The following CNST variants were observed in gnomAD, a reference collection of about 807,000 sequenced individuals.
CNST encodes the protein consortin, connexin sorting protein, also known as consortin.
A neutral mutation model predicts 72.4 loss-of-function variants in CNST; 39 were observed. The observed-to-expected ratio is 0.54, with a 90% CI of 0.42 to 0.70. The LOEUF (loss-of-function observed/expected upper bound fraction) is 0.70. Among genes scored for constraint, CNST ranks in the 30% least tolerant of loss-of-function variants. The probability of loss-of-function intolerance (pLI) is 0.00; values close to 1 mark genes in which losing one functional copy is unlikely to be tolerated. For synonymous variants in CNST, 332 were observed against 320.1 expected (o/e 1.04, Z -0.40); for missense variants, 871 against 868.5 (o/e 1.00, Z -0.04).
At position 246,634,590 on chromosome 1, in the gene CNST, A is replaced by T. The variant is rs1455541811; in HGVS notation, c.818+3A>T. 2.7e-6 allele frequency: 4 copies of T among 1,506,266 alleles called. No individual in the cohort carries two copies. The highest frequency in any genetic ancestry group is 3.6e-6 in the Non-Finnish European group (4 of 1,097,072). 93.3% of individuals were successfully genotyped at this position (1,506,266 alleles called of 1,614,324 possible). A position where few individuals can be genotyped will look rare whatever the true frequency, so the allele number is the denominator to read the frequency against. On this transcript the variant is annotated splice_donor_region_variant and intron_variant, in intron 6 of 10. Transcript: ENST00000366513. ...AAAATTTGTGCAACACATCAAGAGT[A>T]AGTATATCAGAATTTCGTTAGAATG... is the stretch of plus-strand genomic sequence containing the variant.
chr1:246,592,822 G>A (rs145178500), intron 2 of CNST, among the ~76,000 whole-genome samples: 88 of 152,354 alleles, frequency 5.8e-4, no homozygotes, highest in African/African-American at 1.9e-3. Context: ...GTAATTCAGA[G>A]TATTTCTTGT....
intron 3 of CNST, among the ~76,000 whole-genome samples, chr1:246,628,191 G>A (rs1664563280): frequency 6.6e-6 from 1 of 152,100 alleles, no homozygotes. Context: ...AAGGGGGTCT[G>A]CCTTCCCCAG....
intron 9 of CNST, among the ~76,000 whole-genome samples, chr1:246,657,260 C>T (rs1666826189): frequency 6.6e-6 from 1 of 152,158 alleles, no homozygotes; most frequent in South Asian, 2.1e-4. Context: ...GAGAGTGCCT[C>T]CTTGGCCTGC....
chr1:246,582,656 C>T (rs1171162555), intron 1 of CNST, among the ~76,000 whole-genome samples: 7 of 152,190 alleles, frequency 4.6e-5, no homozygotes, highest in South Asian at 2.1e-4. Context: ...GCCCCGCCTC[C>T]GTTTATCAGG....
At chr1:246,581,511 C>T (rs1191278458) in intron 1 of CNST, among the ~76,000 whole-genome samples, 2 of 152,366 alleles carry the variant, frequency 1.3e-5, no homozygotes, top group Non-Finnish European at 1.5e-5. Context: ...GATCCGCCCA[C>T]CTTGGCCTCC....
At chr1:246,580,630 T>G (rs1486729559) in intron 1 of CNST, among the ~76,000 whole-genome samples, 3 of 152,204 alleles carry the variant, frequency 2.0e-5, no homozygotes, top group African/African-American at 7.2e-5. Flanking sequence ...AAAAAGGAGG[T>G]ATCTCTTTAC....
At chr1:246,592,045 C>A in intron 2 of CNST, 104 bp downstream of exon 2, 1 of 920,656 alleles carries the variant, frequency 1.1e-6, no homozygotes. Context: ...TCTTTGCTTA[C>A]GATATTCTGG....
intron 8 of CNST, among the ~76,000 whole-genome samples, chr1:246,642,337 T>C (rs541512422): frequency 3.2e-4 from 48 of 152,200 alleles, no homozygotes; most frequent in African/African-American, 1.1e-3. Flanking sequence ...TAAGAAAAGG[T>C]TGTACAAAAT....
intron 2 of CNST, among the ~76,000 whole-genome samples, chr1:246,603,628 AAAAT>A (rs763627966): frequency 1.3e-5 from 2 of 152,256 alleles, no homozygotes. Context: ...TTTAGCAATG[AAAAT>A]AAATAAAATC....
chr1:246,585,663 ATATACAC>A (rs1436388240), intron 1 of CNST, among the ~76,000 whole-genome samples: 2 of 41,882 alleles, frequency 4.8e-5, no homozygotes, highest in Non-Finnish European at 8.8e-5. Flanking sequence ...AAAAAAAAAA[ATATACAC>A]ACACACACAC....
In CNST at chr1:246,667,492, A is replaced by G. The variant is rs1204508556; in HGVS notation, c.*1587A>G. 1 of 152,032 alleles carries G rather than the reference A, an allele frequency of 6.6e-6. No homozygotes were observed. The highest frequency in any genetic ancestry group is 1.9e-4 in the East Asian group (1 of 5,202). The allele number at this position is 152,032 out of a possible 1,614,324, so 9.4% of individuals were successfully genotyped here. ...TTATAATACTGTTTGACTTGTCTCT[A>G]TCATGTCACCATAAACTGTAATATT... On this transcript the variant is annotated 3_prime_UTR_variant, in exon 11 of 11. Coordinates refer to ENST00000366513, the MANE Select transcript of CNST (RefSeq NM_152609.3).
At chr1:246,634,216 A>G (rs1410714244) in intron 5 of CNST, 3 of 557,840 alleles carry the variant, frequency 5.4e-6, no homozygotes, top group Non-Finnish European at 9.4e-6. Flanking sequence ...CTTCATATCA[A>G]TGCCAAGAAA....
intron 3 of CNST, among the ~76,000 whole-genome samples, chr1:246,628,925 G>T (rs1328765005): frequency 1.3e-5 from 2 of 152,144 alleles, no homozygotes; most frequent in Non-Finnish European, 2.9e-5. Flanking sequence ...TCAGCATCTT[G>T]CAATTCATTC....
At chr1:246,581,582 C>T (rs1268763078) in intron 1 of CNST, among the ~76,000 whole-genome samples, 3 of 152,196 alleles carry the variant, frequency 2.0e-5, no homozygotes, top group East Asian at 3.8e-4. Context: ...CTTTTAGAAA[C>T]GTAGTCTGGG....
chr1:246,610,304 A>C (rs1332745277), intron 2 of CNST, among the ~76,000 whole-genome samples: 1 of 149,422 alleles, frequency 6.7e-6, no homozygotes, highest in Non-Finnish European at 1.5e-5. Context: ...CAAACAAAAA[A>C]CCTCCCCATT....
In CNST at chr1:246,566,634, G is replaced by T; in HGVS notation, c.-81G>T. On this transcript the variant is annotated 5_prime_UTR_variant, in exon 1 of 11. Transcript: ENST00000366513. ...GCTGGAAACAGACCCGGCGCCCAGC[G>T]GTAGCCCTCCTTGCGCCTCCGATTC... is the stretch of plus-strand genomic sequence containing the variant. 2.5e-6 allele frequency: 1 copy of T among 401,920 alleles called. No individual in the cohort carries two copies. Among genetic ancestry groups the T allele is most frequent in the Non-Finnish European group, 4.4e-6 (1 of 227,636 alleles). 24.9% of individuals were successfully genotyped at this position (401,920 alleles called of 1,614,324 possible). A position where few individuals can be genotyped will look rare whatever the true frequency, so the allele number is the denominator to read the frequency against.
At chr1:246,621,306 C>A in intron 2 of CNST, 123 bp from the exon 3 acceptor site, 1 of 720,686 alleles carries the variant, frequency 1.4e-6, no homozygotes, top group South Asian at 1.6e-5. Context: ...ACACATTTAC[C>A]TTCCTGTTCA....
At chr1:246,598,208 T>C (rs1315072253) in intron 2 of CNST, among the ~76,000 whole-genome samples, 1 of 151,012 alleles carries the variant, frequency 6.6e-6, no homozygotes, top group Non-Finnish European at 1.5e-5. Flanking sequence ...TGGTCCTGAA[T>C]TCCTAGGCTC....
intron 1 of CNST, among the ~76,000 whole-genome samples, chr1:246,583,100 C>T (rs1215840312): frequency 6.6e-6 from 1 of 152,174 alleles, no homozygotes; most frequent in Non-Finnish European, 1.5e-5. Context: ...TGATTTAATA[C>T]CTCATGAATA....
Sources: gnomAD v4.1 joint callset for allele counts (sites outside exome capture counted in the v4.1 genomes callset) on GRCh38, gnomAD v4.1.1 for gene constraint, MANE v1.5 for transcripts, NCBI Gene and HGNC (gene_info 2026-07-23, HGNC 2026-07-21) for gene names.